SIPA1L2: variants seen among roughly 807,000 people sequenced by gnomAD.
SIPA1L2 encodes signal induced proliferation associated 1 like 2.
In SIPA1L2, 56 loss-of-function variants were observed where a neutral mutation model predicts 163.9. The ratio of observed to expected loss-of-function variants is 0.34; its 90% CI spans 0.28 to 0.43. The LOEUF is 0.43. Among genes scored for constraint, SIPA1L2 ranks in the 20% least tolerant of loss-of-function variants. The probability of loss-of-function intolerance (pLI) is 1.00; values close to 1 mark genes in which losing one functional copy is unlikely to be tolerated. For synonymous variants in SIPA1L2, 877 were observed against 865.7 expected (o/e 1.01, Z -0.23); for missense variants, 1,974 against 2,193.5 (o/e 0.90, Z 2.00).
intron 18 of SIPA1L2, among the ~76,000 whole-genome samples, chr1:232,416,670 G>C (rs2102783979): frequency 6.6e-6 from 1 of 152,296 alleles, no homozygotes; most frequent in African/African-American, 2.4e-5. Context: ...AATGTAGTAA[G>C]ACCAACTTTG....
At chr1:232,586,974 T>C (rs1000860172) in intron 1 of SIPA1L2, among the ~76,000 whole-genome samples, 1 of 152,142 alleles carries the variant, frequency 6.6e-6, no homozygotes, top group South Asian at 2.1e-4. Context: ...TTGATGGTAA[T>C]AGGAAACAGA....
intron 2 of SIPA1L2, among the ~76,000 whole-genome samples, chr1:232,536,503 T>C (rs1363875657): frequency 1.3e-5 from 2 of 152,156 alleles, no homozygotes; most frequent in African/African-American, 4.8e-5. Flanking sequence ...TTTCAGATGG[T>C]ATGTGACACC....
At chr1:232,415,468 G>A (rs751918788) in intron 19 of SIPA1L2, 26 bp downstream of exon 19, 2 of 1,587,342 alleles carry the variant, frequency 1.3e-6, no homozygotes, top group African/African-American at 1.4e-5. Flanking sequence ...GGTAAGGGGT[G>A]AGGCCAGAGG....
At chr1:232,442,182 G>A (rs1380649730) in intron 12 of SIPA1L2, among the ~76,000 whole-genome samples, 2 of 152,036 alleles carry the variant, frequency 1.3e-5, no homozygotes, top group South Asian at 2.1e-4. Flanking sequence ...TGCAAGCTAC[G>A]GAGGAGGTCG....
chr1:232,431,803 C>T (rs927874632), intron 16 of SIPA1L2, among the ~76,000 whole-genome samples: 1 of 152,154 alleles, frequency 6.6e-6, no homozygotes, highest in African/African-American at 2.4e-5. Flanking sequence ...CACCACGCCC[C>T]CCTCAACCTC....
rs767931253 is a variant in SIPA1L2, at chr1:232,465,613, C to A, written c.2244-197G>T. On this transcript the variant is annotated intron_variant, in intron 8 of 22. Transcript: ENST00000674635. This position sits in a 1 kb window ranked among gnomAD's most constrained non-coding sequence, Gnocchi z 4.1. Reference sequence around the variant, plus strand: ...TTCTTGTTCTCCTAATTGCTGCATACCCAGGGTTTGTTGTTATTGTTGTTT... The same window carrying A: ...TTCTTGTTCTCCTAATTGCTGCATAACCAGGGTTTGTTGTTATTGTTGTTT... Among the ~76,000 whole-genome samples, 7 of 151,938 alleles carry A rather than the reference C, an allele frequency of 4.6e-5. No individual in the cohort carries two copies. The highest frequency in any genetic ancestry group is 7.4e-5 in the Non-Finnish European group (5 of 67,986).
rs149410671 is a variant in SIPA1L2 at position 232,510,998 on chromosome 1, T to C, written c.1483+2859A>G. 5.2e-3 allele frequency among the ~76,000 whole-genome samples: 796 copies of C among 152,354 alleles called. 8 individuals carry two copies. The highest frequency in any genetic ancestry group is 0.018 in the African/African-American group (751 of 41,576). On this transcript the variant is annotated intron_variant, in intron 3 of 22. Coordinates refer to ENST00000674635, the MANE Select transcript of SIPA1L2 (RefSeq NM_020808.5). ...GGCATAATAAATCCAACAGACTTTA[T>C]TTTATTAAGAATTGGCAGCCATGGC...
At chr1:232,480,717 C>A (rs1665303713) in intron 6 of SIPA1L2, among the ~76,000 whole-genome samples, 1 of 152,120 alleles carries the variant, frequency 6.6e-6, no homozygotes, top group African/African-American at 2.4e-5. Context: ...AGTCTTATTT[C>A]TCTACTTTTT....
At chr1:232,587,990 C>A (rs935775507) in intron 1 of SIPA1L2, among the ~76,000 whole-genome samples, 1 of 152,184 alleles carries the variant, frequency 6.6e-6, no homozygotes, top group African/African-American at 2.4e-5. Flanking sequence ...GTCCATTAAA[C>A]CTCTTTCTTT....
At chr1:232,626,009 G>C (rs1454606367) in intron 1 of SIPA1L2, among the ~76,000 whole-genome samples, 2 of 152,166 alleles carry the variant, frequency 1.3e-5, no homozygotes, top group African/African-American at 4.8e-5. Flanking sequence ...ATCCACGAGT[G>C]GGGTAATTTT....
chr1:232,514,463 G>A lies in SIPA1L2; in HGVS notation c.877C>T (p.Arg293Ter). The A allele has an allele frequency of 1.2e-6, 2 of 1,614,176 alleles. No homozygotes were observed. The highest frequency in any genetic ancestry group is 2.2e-5 in the East Asian group (1 of 44,880). ...KSESVETSLFRKLRTVKSEHE... is the reference protein window; with the variant it reads ...KSESVETSLF ...TCACTTTTAACAGTTCGAAGCTTTC[G>A]GAAGAGAGATGTTTCCACCGACTCT... Residue 293 changes from arginine to a stop codon, truncating the protein, a stop_gained, in exon 3 of 23, where the codon CGA becomes TGA. Transcript: ENST00000674635. LOFTEE classifies it high-confidence loss of function.
intron 1 of SIPA1L2, among the ~76,000 whole-genome samples, chr1:232,613,345 C>T (rs932266142): frequency 1.9e-4 from 29 of 152,186 alleles, no homozygotes; most frequent in Non-Finnish European, 1.0e-4. Flanking sequence ...TTAGTGTTTT[C>T]ACAAGACCCT....
chr1:232,548,886 G>T (rs572363873), intron 2 of SIPA1L2, among the ~76,000 whole-genome samples: 1 of 152,340 alleles, frequency 6.6e-6, no homozygotes, highest in East Asian at 1.9e-4. Flanking sequence ...GACAAGGGAG[G>T]AAAGCAAGTG....
At chr1:232,587,402 G>C (rs1660728139) in intron 1 of SIPA1L2, among the ~76,000 whole-genome samples, 1 of 152,088 alleles carries the variant, frequency 6.6e-6, no homozygotes, top group Non-Finnish European at 1.5e-5. Flanking sequence ...GTCTCATTTA[G>C]CACCTTTCCT....
At chr1:232,489,101 C>T (rs1023180148) in intron 5 of SIPA1L2, among the ~76,000 whole-genome samples, 1 of 152,118 alleles carries the variant, frequency 6.6e-6, no homozygotes, top group Non-Finnish European at 1.5e-5. Context: ...AGAGCAGCCT[C>T]GGGGGACCAA....
chr1:232,444,682 A>T (rs1486159987), intron 11 of SIPA1L2, among the ~76,000 whole-genome samples: 1 of 152,176 alleles, frequency 6.6e-6, no homozygotes, highest in Non-Finnish European at 1.5e-5. Flanking sequence ...ACATTGACCC[A>T]CTCAGTCCTC....
chr1:232,438,749 T>G (rs1662711312), intron 15 of SIPA1L2, among the ~76,000 whole-genome samples: 1 of 152,230 alleles, frequency 6.6e-6, no homozygotes, highest in African/African-American at 2.4e-5. Context: ...CATGGCTTCC[T>G]ACTACTATGG....
intron 7 of SIPA1L2, among the ~76,000 whole-genome samples, chr1:232,474,723 C>G (rs1664954318): frequency 6.6e-6 from 1 of 151,572 alleles, no homozygotes. Context: ...CGTGTAACCC[C>G]AAAATATGTA....
At chr1:232,473,191 T>C (rs905392933) in intron 7 of SIPA1L2, among the ~76,000 whole-genome samples, 2 of 152,248 alleles carry the variant, frequency 1.3e-5, no homozygotes, top group Admixed American at 6.5e-5. Flanking sequence ...TCTCCAAAAA[T>C]TGAAATACAT....
Sources: gnomAD v4.1 joint callset for allele counts (sites outside exome capture counted in the v4.1 genomes callset) on GRCh38, gnomAD v4.1.1 for gene constraint, Gnocchi (gnomAD v3.1) non-coding constraint, MANE v1.5 for transcripts, NCBI Gene and HGNC (gene_info 2026-07-23, HGNC 2026-07-21) for gene names.